MIA2: variants seen among roughly 807,000 people sequenced by gnomAD.
MIA2 encodes MIA SH3 domain ER export factor 2, also known as melanoma inhibitory activity protein 2.
In MIA2, 127 loss-of-function variants were observed where a neutral mutation model predicts 167.8. The observed-to-expected ratio is 0.76, with a 90% CI of 0.66 to 0.88. The LOEUF (loss-of-function observed/expected upper bound fraction) is 0.88, where lower values mean the gene tolerates loss of function less well. Ranked by LOEUF, MIA2 falls within the 40% of genes least tolerant of loss-of-function variation. The pLI, the probability that MIA2 is intolerant of heterozygous loss-of-function variation, is 0.00. For missense variants in MIA2, 1,690 were observed against 1,624.7 expected, an observed-to-expected ratio of 1.04 and a Z score of -0.69; for synonymous variants, 552 against 541.9, an observed-to-expected ratio of 1.02 and a Z score of -0.26.
At chr14:39,376,687 A>C (rs767439372) in intron 23 of MIA2, among the ~76,000 whole-genome samples, 27 of 152,210 alleles carry the variant, frequency 1.8e-4, no homozygotes, top group Admixed American at 1.3e-4. Context: ...TTGAAGACAC[A>C]CCCAGGAGAC....
chr14:39,348,686 G>A lies in MIA2; in HGVS notation c.3838-57G>A, dbSNP rs899881127. Reference sequence around the variant, plus strand: ...GATTTCTTCTAAGCCTGAGATTTTCGGGAAAATGATTGCAAATTTACTGTT... The same window carrying A: ...GATTTCTTCTAAGCCTGAGATTTTCAGGAAAATGATTGCAAATTTACTGTT... On this transcript the variant is annotated intron_variant, in intron 27 of 28. Transcript: ENST00000640607. 1.9e-5 allele frequency: 31 copies of A among 1,596,864 alleles called. No homozygotes were observed. In the African/African-American group the frequency reaches 2.8e-4, roughly 14 times the overall value.
intron 15 of MIA2, 29 bp from the exon 16 acceptor site, chr14:39,303,449 C>T: frequency 1.3e-6 from 2 of 1,574,392 alleles, no homozygotes; most frequent in Non-Finnish European, 1.7e-6. Flanking sequence ...TTTCCCAAAT[C>T]ATTGTTGTGC....
intron 27 of MIA2, among the ~76,000 whole-genome samples, chr14:39,348,102 T>C (rs1441469524): frequency 6.6e-6 from 1 of 152,198 alleles, no homozygotes; most frequent in Admixed American, 6.5e-5. Flanking sequence ...TGTGAGCTGC[T>C]GCGCCTGGCC....
intron 21 of MIA2, among the ~76,000 whole-genome samples, chr14:39,316,278 A>G (rs2065420360): frequency 6.6e-6 from 1 of 152,216 alleles, no homozygotes. Flanking sequence ...TAAGAAAGAC[A>G]CTGTAACATA....
chr14:39,361,461 A>G (rs2074681294), intron 23 of MIA2, among the ~76,000 whole-genome samples: 1 of 145,894 alleles, frequency 6.9e-6, no homozygotes. Flanking sequence ...TTCCTGAGAC[A>G]GAGTTTCGCT....
At chr14:39,349,761 T>C (rs1175405963) in intron 28 of MIA2, among the ~76,000 whole-genome samples, 1 of 152,202 alleles carries the variant, frequency 6.6e-6, no homozygotes, top group African/African-American at 2.4e-5. Flanking sequence ...TTGAAAATTA[T>C]ATTACATGCA....
At chr14:39,280,153 T>G (rs2058711065) in intron 9 of MIA2, among the ~76,000 whole-genome samples, 1 of 152,228 alleles carries the variant, frequency 6.6e-6, no homozygotes, top group East Asian at 1.9e-4. Flanking sequence ...TGTCATCTTC[T>G]TAAGTCACTG....
At chr14:39,378,685 T>C (rs1289583009) in intron 23 of MIA2, among the ~76,000 whole-genome samples, 1 of 152,180 alleles carries the variant, frequency 6.6e-6, no homozygotes, top group Non-Finnish European at 1.5e-5. Flanking sequence ...TTGGCACATA[T>C]ACTAATAACA....
chr14:39,285,281 G>A (rs1364024988), intron 9 of MIA2, among the ~76,000 whole-genome samples: 4 of 152,098 alleles, frequency 2.6e-5, no homozygotes, highest in African/African-American at 9.7e-5. Context: ...CTCCCAGACG[G>A]GGTGGTGGCT....
chr14:39,324,219 G>A (rs1019338095), intron 24 of MIA2, among the ~76,000 whole-genome samples: 10 of 152,180 alleles, frequency 6.6e-5, no homozygotes, highest in Admixed American at 3.9e-4. Context: ...TAAGCAATCA[G>A]GAAGGAAAGC....
At chr14:39,345,043 G>A (rs1260542195) in intron 25 of MIA2, among the ~76,000 whole-genome samples, 3 of 149,358 alleles carry the variant, frequency 2.0e-5, no homozygotes, top group South Asian at 2.1e-4. Flanking sequence ...GTCAGAGAGA[G>A]CTTTCCATTT....
chr14:39,237,229 G>A (rs1210120372), intron 2 of MIA2, 174 bp downstream of exon 2: 2 of 721,026 alleles, frequency 2.8e-6, no homozygotes, highest in East Asian at 2.9e-5. Context: ...CTGAGCTCAA[G>A]CCATCCTCCC....
intron 9 of MIA2, 75 bp downstream of exon 9, chr14:39,279,612 T>A: frequency 1.1e-6 from 1 of 940,578 alleles, no homozygotes; most frequent in Non-Finnish European, 1.6e-6. Flanking sequence ...TACTTCTGTG[T>A]AAATTTAAGA....
intron 22 of MIA2, 81 bp downstream of exon 22, chr14:39,318,092 A>G: frequency 9.7e-7 from 1 of 1,034,050 alleles, no homozygotes. Flanking sequence ...AGGTTAAGCA[A>G]GAAAACTTGC....
intron 13 of MIA2, among the ~76,000 whole-genome samples, chr14:39,299,124 C>T (rs986950106): frequency 8.3e-6 from 1 of 119,966 alleles, no homozygotes; most frequent in Non-Finnish European, 1.7e-5. Flanking sequence ...AGTTATTTAT[C>T]TTTAAATGTC....
intron 13 of MIA2, among the ~76,000 whole-genome samples, chr14:39,299,108 C>CTTTCTAG (rs1253213308): frequency 7.5e-6 from 1 of 133,572 alleles, no homozygotes; most frequent in Non-Finnish European, 1.6e-5. Context: ...GAAATAATTC[C>CTTTCTAG]TTTCTAGTTA....
At chr14:39,263,712 A>T (rs1334533858) in intron 6 of MIA2, among the ~76,000 whole-genome samples, 1 of 148,904 alleles carries the variant, frequency 6.7e-6, no homozygotes, top group East Asian at 2.0e-4. Context: ...GCTCACTGCA[A>T]TCTCGGCCTC....
intron 3 of MIA2, among the ~76,000 whole-genome samples, chr14:39,245,700 CGA>C (rs58136705): frequency 6.6e-6 from 1 of 151,430 alleles, no homozygotes; most frequent in Admixed American, 6.6e-5. Context: ...GGGGAGAAAG[CGA>C]GAGAGAGAGA....
At chr14:39,286,846 A>G (rs1455501110) in intron 9 of MIA2, among the ~76,000 whole-genome samples, 2 of 145,384 alleles carry the variant, frequency 1.4e-5, no homozygotes, top group Non-Finnish European at 3.0e-5. Flanking sequence ...GATGTGCACT[A>G]CTGTGCCTGG....
Sources: gnomAD v4.1 joint callset for allele counts (sites outside exome capture counted in the v4.1 genomes callset) on GRCh38, gnomAD v4.1.1 for gene constraint, MANE v1.5 for transcripts, NCBI Gene and HGNC (gene_info 2026-07-23, HGNC 2026-07-21) for gene names.